ING5: variants seen among roughly 807,000 people sequenced by gnomAD.
ING5 encodes inhibitor of growth protein 5.
ING5 carries 17 observed loss-of-function variants against 37.4 expected under a neutral mutation model. The ratio of observed to expected loss-of-function variants is 0.45; its 90% confidence interval spans 0.31 to 0.68. ING5 has a LOEUF of 0.68. Ranked by LOEUF, ING5 falls within the 30% of genes least tolerant of loss-of-function variation. The pLI, the probability that ING5 is intolerant of heterozygous loss-of-function variation, is 0.05. For synonymous variants in ING5, 123 were observed against 116.6 expected, an observed-to-expected ratio of 1.06 and a Z score of -0.36; for missense variants, 233 against 311.9, an observed-to-expected ratio of 0.75 and a Z score of 1.91.
intron 1 of ING5, 99 bp downstream of exon 1, chr2:241,702,201 CG>C: frequency 1.9e-6 from 1 of 537,334 alleles, no homozygotes; most frequent in East Asian, 1.2e-4. Flanking sequence ...CCCGTGGGCT[CG>C]GGAGGGCGGC....
At chr2:241,687,243 C>T (rs997808197) in exon 1 of ING5, 1 of 397,662 alleles carries the variant, frequency 2.5e-6, no homozygotes, top group East Asian at 3.6e-5. Context: ...TGCCCGCTGC[C>T]AGCGTGAGGG....
chr2:241,720,646 C>T (rs2070407148), intron 5 of ING5: 3 of 985,684 alleles, frequency 3.0e-6, no homozygotes, highest in Non-Finnish European at 3.6e-6. Flanking sequence ...TGCTGGGAAG[C>T]CATCGGGGCC....
intron 1 of ING5, among the ~76,000 whole-genome samples, chr2:241,689,270 G>T (rs974551680): frequency 6.6e-6 from 1 of 151,788 alleles, no homozygotes; most frequent in Non-Finnish European, 1.5e-5. Flanking sequence ...CTGCCACCAC[G>T]CCCAGCTAAT....
chr2:241,705,299 T>G (rs1024864973), intron 2 of ING5, among the ~76,000 whole-genome samples: 1 of 151,816 alleles, frequency 6.6e-6, no homozygotes, highest in Non-Finnish European at 1.5e-5. Context: ...AGGATGGTCT[T>G]GATCTCCTCA....
intron 2 of ING5, among the ~76,000 whole-genome samples, chr2:241,691,166 T>G (rs2069547864): frequency 6.6e-6 from 1 of 151,518 alleles, no homozygotes; most frequent in South Asian, 2.1e-4. Flanking sequence ...GACCTGGGTG[T>G]TGTGGCTGAC....
At chr2:241,693,301 A>G (rs944782942) in intron 2 of ING5, among the ~76,000 whole-genome samples, 1 of 151,248 alleles carries the variant, frequency 6.6e-6, no homozygotes, top group Non-Finnish European at 1.5e-5. Flanking sequence ...CCTATCTACA[A>G]ACAGTCACGT....
At chr2:241,720,034 T>C (rs2070390598) in intron 5 of ING5, 1 of 1,242,540 alleles carries the variant, frequency 8.0e-7, no homozygotes, top group African/African-American at 1.5e-5. Flanking sequence ...AGGCCAGCTC[T>C]GAAGCTGGGC....
chr2:241,705,948 T>C (rs147154306), intron 2 of ING5, among the ~76,000 whole-genome samples: 11 of 151,582 alleles, frequency 7.3e-5, no homozygotes, highest in Admixed American at 1.3e-4. Context: ...CACTGAGCCA[T>C]GCCACCTGCT....
At chr2:241,717,701 T>G (rs551514434) in intron 5 of ING5, among the ~76,000 whole-genome samples, 2 of 150,506 alleles carry the variant, frequency 1.3e-5, no homozygotes, top group Non-Finnish European at 2.9e-5. Context: ...GGTTTCTTTT[T>G]TTTTTTTTGC....
At chr2:241,699,450 A>C (rs2069681264), upstream of ING5, among the ~76,000 whole-genome samples, 1 of 152,074 alleles carries the variant, frequency 6.6e-6, no homozygotes, top group African/African-American at 2.4e-5. Flanking sequence ...GGTCTCCGTC[A>C]CCCAGGCAAG....
At chr2:241,692,230 G>A (rs2069567084) in intron 2 of ING5, among the ~76,000 whole-genome samples, 1 of 152,122 alleles carries the variant, frequency 6.6e-6, no homozygotes, top group Admixed American at 6.6e-5. Flanking sequence ...TAAGATTACA[G>A]TTACCCTTAA....
exon 2 of ING5, chr2:241,690,633 G>A (rs7573214): frequency 0.61 from 242,644 of 398,222 alleles, 74,578 homozygotes; most frequent in African/African-American, 0.69. Flanking sequence ...GTCACTCCAC[G>A]AGACTCTGGA....
upstream of ING5, chr2:241,687,047 GC>G: frequency 2.3e-6 from 1 of 430,066 alleles, no homozygotes; most frequent in South Asian, 9.1e-5. Flanking sequence ...CCGTCCTCGG[GC>G]GAGCAGGGCC....
chr2:241,706,915 C>G (rs1273676962), intron 2 of ING5, among the ~76,000 whole-genome samples: 2 of 147,530 alleles, frequency 1.4e-5, no homozygotes, highest in African/African-American at 2.5e-5. Context: ...TCCTTTATCT[C>G]TGAAGTTTTA....
At chr2:241,724,725 G>A (rs952734834) in intron 7 of ING5, 3 of 543,254 alleles carry the variant, frequency 5.5e-6, no homozygotes, top group Non-Finnish European at 9.9e-6. Context: ...GGACCCACCT[G>A]TTAAGGAGGA....
intron 2 of ING5, among the ~76,000 whole-genome samples, chr2:241,695,588 A>G (rs1330895974): frequency 2.0e-5 from 3 of 152,166 alleles, no homozygotes; most frequent in African/African-American, 7.2e-5. Flanking sequence ...CAGGAGGCTG[A>G]GGCAGCAGAA....
intron 5 of ING5, among the ~76,000 whole-genome samples, chr2:241,713,125 C>T (rs1449167430): frequency 2.0e-5 from 3 of 149,936 alleles, no homozygotes; most frequent in South Asian, 2.1e-4. Context: ...GGCGCCATCT[C>T]GGCTCACTGC....
At chr2:241,705,198 C>T (rs965589140) in intron 2 of ING5, among the ~76,000 whole-genome samples, 3 of 151,982 alleles carry the variant, frequency 2.0e-5, no homozygotes, top group Non-Finnish European at 1.5e-5. Context: ...CCTCAGCCTC[C>T]TGAGTAGCTG....
chr2:241,709,372 C>T lies in ING5; in HGVS notation c.266C>T (p.Thr89Ile). Residue 89 changes from threonine to isoleucine, a missense_variant, in exon 3 of 8, where the codon ACC becomes ATC. By Grantham distance (89) the Thr-to-Ile change is moderately conservative (BLOSUM62 -1). Coordinates refer to ENST00000313552, the MANE Select transcript of ING5 (RefSeq NM_032329.6). ...GACAAAGTGCAGCTGGCCATGCAGA[C>T]CTACGAGATGGTGAGGGCGGGGCGG... ...SDDKVQLAMQ[T>I]YEMVDKHIRR... 6.2e-7 allele frequency: 1 copy of T among 1,613,282 alleles called. No homozygotes were observed. The highest frequency in any genetic ancestry group is 8.5e-7 in the Non-Finnish European group (1 of 1,179,638).
Sources: gnomAD v4.1 joint callset for allele counts (sites outside exome capture counted in the v4.1 genomes callset) on GRCh38, gnomAD v4.1.1 for gene constraint, MANE v1.5 for transcripts, NCBI Gene and HGNC (gene_info 2026-07-23, HGNC 2026-07-21) for gene names.